SCYL2: variants seen among roughly 807,000 people sequenced by gnomAD.
SCYL2 encodes SCY1 like pseudokinase 2, also known as SCY1-like protein 2.
SCYL2 carries 36 observed loss-of-function variants against 100.4 expected under a neutral mutation model. The observed-to-expected ratio is 0.36, with a 90% CI of 0.27 to 0.47. SCYL2 has a LOEUF of 0.47. Ranked by LOEUF, SCYL2 falls within the 20% of genes least tolerant of loss-of-function variation. The pLI, the probability that SCYL2 is intolerant of heterozygous loss-of-function variation, is 1.00. For synonymous variants in SCYL2, 330 were observed against 359.2 expected (o/e 0.92, Z 0.92); for missense variants, 902 against 1,083.9 (o/e 0.83, Z 2.36).
chr12:100,314,442 C>T (rs199838820), intron 7 of SCYL2, 47 bp from the exon 8 acceptor site: 31 of 1,401,742 alleles, frequency 2.2e-5, no homozygotes, highest in Non-Finnish European at 3.1e-5. Flanking sequence ...ATGAGAAGTA[C>T]TTTCAATTTA....
chr12:100,318,842 C>T (rs2096352443), intron 10 of SCYL2, among the ~76,000 whole-genome samples: 1 of 152,170 alleles, frequency 6.6e-6, no homozygotes, highest in Admixed American at 6.5e-5. Context: ...CCACAAAGGC[C>T]ATCTTAAAAC....
At chr12:100,326,058 AG>A (rs1298380891) in intron 11 of SCYL2, among the ~76,000 whole-genome samples, 2 of 152,260 alleles carry the variant, frequency 1.3e-5, no homozygotes, top group Non-Finnish European at 2.9e-5. Context: ...AAATAGAAGT[AG>A]GGTATGATGT....
At chr12:100,331,769 T>G (rs1477840075) in intron 13 of SCYL2, among the ~76,000 whole-genome samples, 1 of 152,214 alleles carries the variant, frequency 6.6e-6, no homozygotes, top group Non-Finnish European at 1.5e-5. Flanking sequence ...TGTTTCATGG[T>G]CAGTGTTTCT....
Position 100,335,885 on chromosome 12 carries a change from G to A in SCYL2, c.2004G>A (p.Gly668=). The A allele has an allele frequency of 6.2e-7, 1 of 1,612,646 alleles. No homozygotes were observed. The highest frequency in any genetic ancestry group is 8.5e-7 in the Non-Finnish European group (1 of 1,178,822). Residue 668 remains glycine, a synonymous_variant, in exon 16 of 18, where the codon GGG becomes GGA. Transcript: ENST00000360820. ...TGSESENKED[G]LQNKHKRASL... ...GTGAGTCCGAAAATAAAGAGGACGGGTTACAGAATAAACATAAAAGAGTGA... is the reference window on the plus strand; with the variant it reads ...GTGAGTCCGAAAATAAAGAGGACGGATTACAGAATAAACATAAAAGAGTGA...
At chr12:100,307,230 C>G (rs2096335675) in intron 4 of SCYL2, among the ~76,000 whole-genome samples, 32 of 152,150 alleles carry the variant, frequency 2.1e-4, no homozygotes, top group Admixed American at 2.1e-3. Context: ...ATCATGCTAC[C>G]TGACTTCAAA....
In SCYL2 at chr12:100,317,672, C is replaced by T. The variant is rs79848782; in HGVS notation, c.1273-131C>T. ...TTGATTTGTGTGTTTTTGTCTTCCA[C>T]GCATTCAGGCTAGCAACATGGTGAG... On this transcript the variant is annotated intron_variant, in intron 9 of 17. Coordinates refer to ENST00000360820, the MANE Select transcript of SCYL2 (RefSeq NM_017988.6). 0.022 allele frequency: 30,900 copies of T among 1,407,904 alleles called. 664 individuals carry two copies. The highest frequency in any genetic ancestry group is 0.021 in the Non-Finnish European group (23,169 of 1,082,336). 87.2% of individuals were successfully genotyped at this position (1,407,904 alleles called of 1,614,324 possible). A position where few individuals can be genotyped will look rare whatever the true frequency, so the allele number is the denominator to read the frequency against.
intron 3 of SCYL2, 81 bp from the exon 4 acceptor site, chr12:100,297,947 TAGG>T (rs1320226423): frequency 4.8e-6 from 5 of 1,041,132 alleles, no homozygotes; most frequent in African/African-American, 1.6e-5. Context: ...GATAGTTTAA[TAGG>T]AGCACTAATA....
In SCYL2 at chr12:100,314,613, A is replaced by T; in HGVS notation, c.1094A>T (p.Lys365Met). Residue 365 changes from lysine to methionine, a missense_variant and splice_region_variant, in exon 8 of 18, where the codon AAG (lysine) becomes ATG (methionine). Transcript: ENST00000360820. ...CCAAAGGTTCTACCAAAACTGCCCAAGGTTTGTTATTGTTAGTTTCTTATT... is the reference window on the plus strand; with the variant it reads ...CCAAAGGTTCTACCAAAACTGCCCATGGTTTGTTATTGTTAGTTTCTTATT... ...GLPKVLPKLP[K>M]RVIVQRILPC... is the part of the protein sequence containing the mutation. 1 of 1,591,782 alleles carries T rather than the reference A, an allele frequency of 6.3e-7. No homozygotes were observed. Among genetic ancestry groups the T allele is most frequent in the Non-Finnish European group, 8.5e-7 (1 of 1,173,780 alleles).
Position 100,326,688 on chromosome 12 carries a change from G to T in SCYL2, c.1576G>T (p.Asp526Tyr), listed in dbSNP as rs117289104. The T allele has an allele frequency of 1.9e-6, 3 of 1,610,976 alleles. No individual in the cohort carries two copies. The East Asian group carries it at 6.7e-5, about 36-fold the overall frequency. ...ATACTTGGATAAGTGGTTTGTACTT[G>T]ATGATATCCTACCCTTCTTACAACA... ...LEYLDKWFVL[D>Y]DILPFLQQIP... Residue 526 changes from aspartate to tyrosine, a missense_variant, in exon 12 of 18, where the codon GAT becomes TAT. Physicochemically the swap from Asp to Tyr is radical, Grantham distance 160. Coordinates refer to ENST00000360820, the MANE Select transcript of SCYL2 (RefSeq NM_017988.6).
intron 3 of SCYL2, among the ~76,000 whole-genome samples, chr12:100,293,821 G>A (rs1035786753): frequency 3.3e-5 from 5 of 152,172 alleles, no homozygotes; most frequent in Admixed American, 2.0e-4. Flanking sequence ...CACAGCACAT[G>A]TTTCAGAGAG....
chr12:100,304,969 A>G (rs1319197309), intron 4 of SCYL2, among the ~76,000 whole-genome samples: 1 of 152,196 alleles, frequency 6.6e-6, no homozygotes, highest in East Asian at 1.9e-4. Flanking sequence ...CTAAATATAT[A>G]TGCATCCAAT....
At chr12:100,332,718 G>T (rs868508368) in intron 13 of SCYL2, among the ~76,000 whole-genome samples, 12 of 140,092 alleles carry the variant, frequency 8.6e-5, no homozygotes, top group South Asian at 4.6e-4. Context: ...TTTTATTTTT[G>T]TTTTTTTTTT....
intron 13 of SCYL2, among the ~76,000 whole-genome samples, chr12:100,332,682 T>A (rs1463415909): frequency 6.6e-6 from 1 of 151,896 alleles, no homozygotes; most frequent in Non-Finnish European, 1.5e-5. Flanking sequence ...TCTGGGATGT[T>A]GACAATGATT....
intron 13 of SCYL2, among the ~76,000 whole-genome samples, chr12:100,331,208 A>G (rs996292724): frequency 4.6e-5 from 7 of 152,172 alleles, no homozygotes; most frequent in African/African-American, 1.7e-4. Flanking sequence ...GAAGGGAGAC[A>G]GTGAGTATTG....
intron 2 of SCYL2, among the ~76,000 whole-genome samples, chr12:100,290,675 C>T (rs1283384860): frequency 6.6e-6 from 1 of 152,126 alleles, no homozygotes; most frequent in Admixed American, 6.5e-5. Flanking sequence ...CATAGAAATT[C>T]TGAAAGAGTT....
chr12:100,271,969 A>G (rs559554090), intron 1 of SCYL2, among the ~76,000 whole-genome samples: 5 of 152,306 alleles, frequency 3.3e-5, no homozygotes, highest in African/African-American at 9.6e-5. Flanking sequence ...CCTTTCAGCT[A>G]CCTGCTGTCA....
intron 3 of SCYL2, among the ~76,000 whole-genome samples, chr12:100,293,202 C>T (rs528873237): frequency 3.9e-5 from 6 of 152,134 alleles, no homozygotes; most frequent in Non-Finnish European, 8.8e-5. Context: ...TGTGATCCTC[C>T]TGCCTCAGCC....
chr12:100,320,840 AACAT>A (rs1241904132), intron 10 of SCYL2, among the ~76,000 whole-genome samples: 1 of 151,912 alleles, frequency 6.6e-6, no homozygotes, highest in East Asian at 2.0e-4. Context: ...GGAACATAGG[AACAT>A]AGTGTCCCAC....
At position 100,326,614 on chromosome 12, in the gene SCYL2, T is replaced by C. The variant is rs1310600826; in HGVS notation, c.1510-8T>C. 1.3e-6 allele frequency: 2 copies of C among 1,577,636 alleles called. No homozygotes were observed. Among genetic ancestry groups the C allele is most frequent in the Admixed American group, 1.9e-5 (1 of 52,422 alleles). On this transcript the variant is annotated splice_region_variant and splice_polypyrimidine_tract_variant and intron_variant, in intron 11 of 17. Coordinates refer to ENST00000360820, the MANE Select transcript of SCYL2 (RefSeq NM_017988.6). Reference sequence around the variant, plus strand: ...TTAATGACTAATGCAATTTACCTCTTTTAATAGGTTCGTGTAAATTCATTA... The same window carrying C: ...TTAATGACTAATGCAATTTACCTCTCTTAATAGGTTCGTGTAAATTCATTA...
Sources: gnomAD v4.1 joint callset for allele counts (sites outside exome capture counted in the v4.1 genomes callset) on GRCh38, gnomAD v4.1.1 for gene constraint, MANE v1.5 for transcripts, NCBI Gene and HGNC (gene_info 2026-07-23, HGNC 2026-07-21) for gene names.